Variants in BBX observed in about 807,000 individuals in gnomAD.
The protein encoded by BBX is BBX high mobility group box domain containing, also known as HMG box transcription factor BBX.
A neutral mutation model predicts 100.2 loss-of-function variants in BBX; 30 were observed. That is an observed-to-expected ratio of 0.30 (90% CI 0.22 to 0.41). The LOEUF (loss-of-function observed/expected upper bound fraction) is 0.41. Ranked by LOEUF, BBX falls within the 10% of genes least tolerant of loss-of-function variation. The probability of loss-of-function intolerance (pLI) is 1.00; values close to 1 mark genes in which losing one functional copy is unlikely to be tolerated. For synonymous variants in BBX, 376 were observed against 388.1 expected (o/e 0.97, Z 0.37); for missense variants, 1,023 against 1,129.8 (o/e 0.91, Z 1.35).
intron 2 of BBX, among the ~76,000 whole-genome samples, chr3:107,563,682 T>G (rs542907032): frequency 6.6e-6 from 1 of 152,326 alleles, no homozygotes; most frequent in South Asian, 2.1e-4. Flanking sequence ...TAAAGTAAAA[T>G]AGGAAACATT....
At chr3:107,583,946 ATTATT>A (rs1559839121) in intron 2 of BBX, among the ~76,000 whole-genome samples, 1 of 76,320 alleles carries the variant, frequency 1.3e-5, no homozygotes, top group African/African-American at 5.7e-5. Flanking sequence ...TATTATATAT[ATTATT>A]ATATTATATA....
intron 3 of BBX, among the ~76,000 whole-genome samples, chr3:107,681,005 G>T (rs1233757644): frequency 6.6e-6 from 1 of 152,094 alleles, no homozygotes; most frequent in Admixed American, 6.6e-5. Context: ...AGCATAGAGG[G>T]TATAGCGATT....
chr3:107,751,237 G>C (rs2065053838), intron 9 of BBX, among the ~76,000 whole-genome samples: 1 of 151,950 alleles, frequency 6.6e-6, no homozygotes, highest in African/African-American at 2.4e-5. Flanking sequence ...CTTTTCAGAG[G>C]GATTCCTGGT....
intron 1 of BBX, chr3:107,525,519 C>G (rs1278130241): frequency 4.6e-5 from 7 of 152,692 alleles, no homozygotes; most frequent in Admixed American, 1.3e-4. Context: ...TTCTTCCCCC[C>G]TCTTTCCCAA....
chr3:107,583,655 A>T (rs1448567146), intron 2 of BBX, among the ~76,000 whole-genome samples: 1 of 151,234 alleles, frequency 6.6e-6, no homozygotes, highest in African/African-American at 2.4e-5. Context: ...CTGATGTATT[A>T]TCCAGTATTA....
intron 3 of BBX, among the ~76,000 whole-genome samples, chr3:107,657,538 G>A (rs1315905326): frequency 6.6e-6 from 1 of 152,100 alleles, no homozygotes; most frequent in Non-Finnish European, 1.5e-5. Flanking sequence ...TCATTTTGGG[G>A]ATGTAGAGGG....
At chr3:107,798,764 C>T (rs1468847782) in intron 16 of BBX, 44 bp downstream of exon 16, 2 of 1,553,180 alleles carry the variant, frequency 1.3e-6, no homozygotes, top group Non-Finnish European at 1.8e-6. Context: ...AATCTTTTAG[C>T]TTCCCTGGGC....
intron 2 of BBX, among the ~76,000 whole-genome samples, chr3:107,613,145 A>G (rs960775297): frequency 2.0e-5 from 3 of 150,686 alleles, no homozygotes; most frequent in Non-Finnish European, 2.9e-5. Flanking sequence ...TCTGTAGGGC[A>G]CTGGGCTCCC....
chr3:107,537,237 T>C (rs1261048624), intron 2 of BBX, among the ~76,000 whole-genome samples: 1 of 152,192 alleles, frequency 6.6e-6, no homozygotes, highest in East Asian at 1.9e-4. Flanking sequence ...CGTCACCATA[T>C]GTAAAGACAA....
Position 107,755,663 on chromosome 3 carries a change from C to G in BBX, c.891C>G (p.Leu297=). The part of the protein sequence containing the change: ...EPVKRCGKSA[L]FQLAEMCLAS... ...TAAAACGCTGTGGAAAGTCTGCACT[C>G]TTTCAACTGGCAGAGGCAAGTTCCT... The change falls in exon 10 of 18, where the codon CTC becomes CTG. Residue 297 remains leucine, a synonymous_variant. Coordinates refer to ENST00000325805, the MANE Select transcript of BBX (RefSeq NM_001142568.3). The G allele has an allele frequency of 1.2e-6, 2 of 1,613,764 alleles. No homozygotes were observed. Among genetic ancestry groups the G allele is most frequent in the East Asian group, 2.2e-5 (1 of 44,856 alleles).
intron 16 of BBX, among the ~76,000 whole-genome samples, chr3:107,800,298 C>T (rs1286672465): frequency 6.6e-6 from 1 of 152,182 alleles, no homozygotes; most frequent in African/African-American, 2.4e-5. Context: ...TTGTTACATC[C>T]ACATTTGTTT....
At chr3:107,659,089 C>T (rs2058303150) in intron 3 of BBX, among the ~76,000 whole-genome samples, 1 of 151,860 alleles carries the variant, frequency 6.6e-6, no homozygotes, top group Admixed American at 6.6e-5. Context: ...TTGTCAAATG[C>T]CGTTATTAAG....
At chr3:107,656,429 T>A (rs890560121) in intron 3 of BBX, among the ~76,000 whole-genome samples, 7 of 152,196 alleles carry the variant, frequency 4.6e-5, no homozygotes, top group Admixed American at 2.6e-4. Context: ...ATGTGTTAGG[T>A]GTTTGTGGTT....
At chr3:107,712,050 T>A (rs1054789491) in intron 4 of BBX, among the ~76,000 whole-genome samples, 1 of 152,096 alleles carries the variant, frequency 6.6e-6, no homozygotes, top group Non-Finnish European at 1.5e-5. Flanking sequence ...TAATTTTGTT[T>A]ATATTTTGTA....
chr3:107,555,803 G>T (rs1377082870), intron 2 of BBX, among the ~76,000 whole-genome samples: 1 of 152,136 alleles, frequency 6.6e-6, no homozygotes, highest in Non-Finnish European at 1.5e-5. Context: ...TGAACAAGTA[G>T]TAATTTCTTA....
chr3:107,697,066 T>C (rs1183143333), intron 3 of BBX, among the ~76,000 whole-genome samples: 1 of 151,758 alleles, frequency 6.6e-6, no homozygotes, highest in Non-Finnish European at 1.5e-5. Context: ...TTTAAGCACT[T>C]CTCTGTATTG....
intron 2 of BBX, chr3:107,641,767 G>A (rs1315102487): frequency 6.6e-6 from 1 of 152,212 alleles, no homozygotes; most frequent in Non-Finnish European, 1.5e-5. Flanking sequence ...TCCATTCTCA[G>A]TATAGCTGTC....
chr3:107,593,108 G>A (rs1360353090), intron 2 of BBX, among the ~76,000 whole-genome samples: 1 of 152,184 alleles, frequency 6.6e-6, no homozygotes, highest in Non-Finnish European at 1.5e-5. Flanking sequence ...CATTTGGCCT[G>A]TGGCAGTTCT....
chr3:107,615,764 T>C (rs1489436860), intron 2 of BBX, among the ~76,000 whole-genome samples: 1 of 152,138 alleles, frequency 6.6e-6, no homozygotes, highest in East Asian at 1.9e-4. Context: ...ATACCTAGAT[T>C]GAGATATTCA....
Sources: allele counts gnomAD v4.1 joint callset (sites outside exome capture counted in the v4.1 genomes callset), GRCh38; gene constraint gnomAD v4.1.1; transcripts MANE v1.5; gene names NCBI Gene and HGNC (gene_info 2026-07-23, HGNC 2026-07-21).